CNTNAP3: variants seen among roughly 807,000 people sequenced by gnomAD.
CNTNAP3 encodes the protein contactin associated protein family member 3.
A neutral mutation model predicts 92.1 loss-of-function variants in CNTNAP3; 36 were observed. The observed-to-expected ratio is 0.39, with a 90% CI of 0.30 to 0.52. The LOEUF (loss-of-function observed/expected upper bound fraction) is 0.52. CNTNAP3 is among the 20% of genes least tolerant of loss of function. The pLI, the probability that CNTNAP3 is intolerant of heterozygous loss-of-function variation, is 0.76. For missense variants in CNTNAP3, 534 were observed against 1,069.6 expected (o/e 0.50, Z 6.98); for synonymous variants, 232 against 422.3 (o/e 0.55, Z 5.53).
chr9:39,097,435 C>G (rs529308182), intron 18 of CNTNAP3, among the ~76,000 whole-genome samples: 5 of 152,018 alleles, frequency 3.3e-5, no homozygotes, highest in Non-Finnish European at 7.4e-5. Flanking sequence ...CTTGCCTTGC[C>G]TCTCCTGGTG....
intron 8 of CNTNAP3, among the ~76,000 whole-genome samples, chr9:39,170,692 G>A (rs1464952901): frequency 7.2e-5 from 1 of 13,986 alleles, no homozygotes; most frequent in Non-Finnish European, 1.1e-4. Flanking sequence ...GCCTGTGTGT[G>A]GGGTGGGCAT....
intron 9 of CNTNAP3, among the ~76,000 whole-genome samples, chr9:39,151,097 CTGTT>C (rs1821832822): frequency 7.0e-6 from 1 of 142,648 alleles, no homozygotes; most frequent in Non-Finnish European, 1.5e-5. Flanking sequence ...TTAAAGACAA[CTGTT>C]TGTAGAAAGA....
rs138857401 is a variant in CNTNAP3 at position 39,103,790 on chromosome 9, A to G, written c.2490T>C (p.Phe830=). The G allele has an allele frequency of 9.8e-4, 1,579 of 1,611,282 alleles. 36 individuals carry two copies. The Admixed American group carries it at 0.024, about 25-fold the overall frequency. ...AATCTGTGATCCCCAGGTTCTCCAT[A>G]AACACCCCGGAGGAAACTGTGGTCT... ...FFKTTVSSGV[F]MENLGITDFI... The change falls in exon 16 of 24, where the codon TTT becomes TTC. Residue 830 remains phenylalanine (F), a synonymous_variant. Transcript: ENST00000297668.
At chr9:39,109,783 A>G (rs1433034318) in intron 14 of CNTNAP3, among the ~76,000 whole-genome samples, 1 of 152,138 alleles carries the variant, frequency 6.6e-6, no homozygotes, top group Non-Finnish European at 1.5e-5. Context: ...CCAATTCCTG[A>G]TCTAAATGAT....
intron 12 of CNTNAP3, among the ~76,000 whole-genome samples, chr9:39,136,160 T>TAATAAA (rs915290989): frequency 1.0e-4 from 14 of 134,802 alleles, no homozygotes; most frequent in African/African-American, 1.7e-4. Context: ...ATAATAATAA[T>TAATAAA]AATAAAAATA....
At chr9:39,138,710 C>T (rs1428880324) in intron 12 of CNTNAP3, among the ~76,000 whole-genome samples, 1 of 152,230 alleles carries the variant, frequency 6.6e-6, no homozygotes, top group East Asian at 1.9e-4. Context: ...GAGTTTTTAA[C>T]TCTCAGATGT....
chr9:39,151,066 A>G (rs1173374292), intron 9 of CNTNAP3, among the ~76,000 whole-genome samples: 1 of 146,298 alleles, frequency 6.8e-6, no homozygotes, highest in Admixed American at 6.8e-5. Flanking sequence ...AGAAAACACA[A>G]TAACTGTAAA....
intron 11 of CNTNAP3, among the ~76,000 whole-genome samples, chr9:39,142,774 CT>C (rs1821608598): frequency 6.6e-6 from 1 of 152,098 alleles, no homozygotes; most frequent in Non-Finnish European, 1.5e-5. Flanking sequence ...CACTCCTGGA[CT>C]GTCTCCTCTT....
chr9:39,100,148 C>T lies in CNTNAP3; in HGVS notation c.2758G>A (p.Gly920Arg). ...LQLNSQLFIG[G>R]TATRQRGFLG... The stretch of plus-strand genomic sequence containing the variant: ...AAGCCTCTCTGTCTGGTGGCCGTTC[C>T]ACCTACAACGGAAACACTGCAAATA... The change falls in exon 18 of 24, where the codon GGA becomes AGA. Residue 920 changes from glycine to arginine, a missense_variant and splice_region_variant. Transcript: ENST00000297668. 6.3e-7 allele frequency: 1 copy of T among 1,578,234 alleles called. No homozygotes were observed. The highest frequency in any genetic ancestry group is 8.6e-7 in the Non-Finnish European group (1 of 1,159,240).
At position 39,117,062 on chromosome 9, in the gene CNTNAP3, G is replaced by A. The variant is rs1354932152; in HGVS notation, c.2237+1041C>T. Among the ~76,000 whole-genome samples, 64 of 151,876 alleles carry A rather than the reference G, an allele frequency of 4.2e-4. No individual in the cohort carries two copies. In the South Asian group the frequency reaches 0.012, roughly 28 times the overall value. On this transcript the variant is annotated intron_variant, in intron 14 of 23. Transcript: ENST00000297668. ...GGCTGGAGTGCAGTGGCGCGATCTC[G>A]GCTCACTGCAACCTCTACCTCCTGG...
chr9:39,137,856 A>C (rs111375726), intron 12 of CNTNAP3, among the ~76,000 whole-genome samples: 5,578 of 150,566 alleles, frequency 0.037, 143 homozygotes, highest in Non-Finnish European at 0.059. Context: ...TTGCCTTGAA[A>C]TTTTTTCTTT....
chr9:39,140,441 T>A, intron 12 of CNTNAP3, 78 bp downstream of exon 12: 1 of 1,570,886 alleles, frequency 6.4e-7, no homozygotes, highest in East Asian at 2.3e-5. Flanking sequence ...TCAAACTGCA[T>A]GTTTTAATAA....
At chr9:39,093,531 C>G (rs962760615) in intron 18 of CNTNAP3, among the ~76,000 whole-genome samples, 1 of 151,080 alleles carries the variant, frequency 6.6e-6, no homozygotes, top group African/African-American at 2.4e-5. Flanking sequence ...CTCTCCATTG[C>G]CCCCTCATCT....
intron 23 of CNTNAP3, among the ~76,000 whole-genome samples, chr9:39,077,907 C>G (rs1825820932): frequency 6.6e-6 from 1 of 152,122 alleles, no homozygotes; most frequent in Non-Finnish European, 1.5e-5. Flanking sequence ...CAAATATTGC[C>G]TTAGAAAATC....
Position 39,108,439 on chromosome 9 carries a change from T to C in CNTNAP3, c.2365+721A>G, listed in dbSNP as rs566324865. Among the ~76,000 whole-genome samples the C allele has an allele frequency of 1.2e-4, 18 of 152,308 alleles. No individual in the cohort carries two copies. In the East Asian group the frequency reaches 2.9e-3, roughly 24 times the overall value. ...GAATGTACAGAGAGGCTCAGGCTCC[T>C]TGGTGAACCACCTCTCTCAGAAGTA... On this transcript the variant is annotated intron_variant, in intron 15 of 23. Coordinates refer to ENST00000297668, the MANE Select transcript of CNTNAP3 (RefSeq NM_033655.5).
At chr9:39,130,806 A>G (rs971180633) in intron 13 of CNTNAP3, among the ~76,000 whole-genome samples, 4 of 151,454 alleles carry the variant, frequency 2.6e-5, no homozygotes, top group African/African-American at 7.3e-5. Context: ...CCCGGCCAAT[A>G]GGAGGAATTC....
chr9:39,128,468 A>G (rs2118023763), intron 13 of CNTNAP3, among the ~76,000 whole-genome samples: 1 of 151,988 alleles, frequency 6.6e-6, no homozygotes, highest in East Asian at 1.9e-4. Flanking sequence ...AAGAAATATA[A>G]TATTTTAATA....
At chr9:39,095,140 A>T (rs1826296512) in intron 18 of CNTNAP3, among the ~76,000 whole-genome samples, 1 of 151,568 alleles carries the variant, frequency 6.6e-6, no homozygotes, top group African/African-American at 2.4e-5. Context: ...CAGATTTTTC[A>T]TTGCTAGTGT....
At chr9:39,080,617 A>G (rs1758487) in intron 21 of CNTNAP3, among the ~76,000 whole-genome samples, 202 of 127,550 alleles carry the variant, frequency 1.6e-3, no homozygotes, top group East Asian at 8.5e-3. Flanking sequence ...TTTACATTAA[A>G]TAATTGTAGT....
Sources: allele counts gnomAD v4.1 joint callset (sites outside exome capture counted in the v4.1 genomes callset), GRCh38; gene constraint gnomAD v4.1.1; transcripts MANE v1.5; gene names NCBI Gene and HGNC (gene_info 2026-07-23, HGNC 2026-07-21).